Variants in DCC observed in about 807,000 individuals in gnomAD.
DCC encodes the protein DCC netrin 1 receptor, also known as netrin receptor DCC.
In DCC, 58 loss-of-function variants were observed where a neutral mutation model predicts 172.5. That is an observed-to-expected ratio of 0.34 (90% CI 0.27 to 0.42). The LOEUF (loss-of-function observed/expected upper bound fraction) is 0.42, where lower values mean the gene tolerates loss of function less well. Ranked by LOEUF, DCC falls within the 10% of genes least tolerant of loss-of-function variation. The pLI, the probability that DCC is intolerant of heterozygous loss-of-function variation, is 1.00. For synonymous variants in DCC, 709 were observed against 644.5 expected, an observed-to-expected ratio of 1.10 and a Z score of -1.52; for missense variants, 1,740 against 1,791.0, an observed-to-expected ratio of 0.97 and a Z score of 0.51.
chr18:52,891,105 A>G (rs2039643449), intron 2 of DCC, among the ~76,000 whole-genome samples: 1 of 152,146 alleles, frequency 6.6e-6, no homozygotes, highest in African/African-American at 2.4e-5. Context: ...TAATAATTTC[A>G]TGTTCAAATT....
At chr18:52,838,133 G>A (rs763009099) in intron 2 of DCC, among the ~76,000 whole-genome samples, 3 of 152,100 alleles carry the variant, frequency 2.0e-5, no homozygotes, top group Non-Finnish European at 2.9e-5. Context: ...GCAGCCAAAC[G>A]ATATCACTCT....
At chr18:52,853,020 T>G (rs368304271) in intron 2 of DCC, among the ~76,000 whole-genome samples, 5 of 152,264 alleles carry the variant, frequency 3.3e-5, no homozygotes, top group African/African-American at 9.6e-5. Context: ...TCCCCCAAAG[T>G]TTCTGCCTTG....
intron 1 of DCC, among the ~76,000 whole-genome samples, chr18:52,495,149 G>A (rs545022842): frequency 2.0e-5 from 3 of 152,056 alleles, no homozygotes; most frequent in Non-Finnish European, 4.4e-5. Context: ...CGTCACCAAA[G>A]GACTGTCAGA....
chr18:52,860,740 C>T (rs953888645), intron 2 of DCC, among the ~76,000 whole-genome samples: 3 of 152,170 alleles, frequency 2.0e-5, no homozygotes, highest in East Asian at 3.9e-4. Flanking sequence ...TGCTTCATGC[C>T]TGTAATCCCA....
chr18:52,859,718 T>C (rs563772516), intron 2 of DCC, among the ~76,000 whole-genome samples: 10 of 152,280 alleles, frequency 6.6e-5, no homozygotes, highest in African/African-American at 2.4e-4. Flanking sequence ...ATGAAGACAA[T>C]TTTCAAGGCT....
intron 8 of DCC, among the ~76,000 whole-genome samples, chr18:53,168,611 C>A (rs1248910770): frequency 6.6e-6 from 1 of 151,624 alleles, no homozygotes; most frequent in South Asian, 2.1e-4. Flanking sequence ...AGGAGAAATA[C>A]CTAATGTAGA....
intron 5 of DCC, among the ~76,000 whole-genome samples, chr18:53,022,191 T>A (rs1197047629): frequency 6.6e-6 from 1 of 152,194 alleles, no homozygotes; most frequent in Non-Finnish European, 1.5e-5. Flanking sequence ...AGCATGAATA[T>A]AAATTTGTAA....
At chr18:53,037,911 G>A (rs2042118228) in intron 5 of DCC, among the ~76,000 whole-genome samples, 1 of 151,904 alleles carries the variant, frequency 6.6e-6, no homozygotes, top group African/African-American at 2.4e-5. Context: ...ATTGGAAAGG[G>A]TAGGAAATGA....
intron 1 of DCC, among the ~76,000 whole-genome samples, chr18:52,457,818 A>C (rs1568178910): frequency 6.6e-6 from 1 of 152,174 alleles, no homozygotes; most frequent in African/African-American, 2.4e-5. Context: ...TTACATTATC[A>C]CTCAAATTCC....
intron 1 of DCC, among the ~76,000 whole-genome samples, chr18:52,642,427 TACTC>T (rs1309636168): frequency 1.3e-5 from 2 of 151,944 alleles, no homozygotes; most frequent in African/African-American, 2.4e-5. Flanking sequence ...GTAAAGAACT[TACTC>T]ATGTAACCAA....
intron 1 of DCC, among the ~76,000 whole-genome samples, chr18:52,504,771 T>TC (rs1223217700): frequency 1.3e-5 from 2 of 151,100 alleles, no homozygotes; most frequent in Non-Finnish European, 2.9e-5. Flanking sequence ...GTGCCGCCCC[T>TC]CCCCCCGGCC....
chr18:53,426,614 C>A (rs1014854942), intron 21 of DCC, among the ~76,000 whole-genome samples: 1 of 150,724 alleles, frequency 6.6e-6, no homozygotes, highest in African/African-American at 2.4e-5. Context: ...AGATAATCAT[C>A]CTGTTTTTCC....
Position 52,867,468 on chromosome 18 carries a change from T to G in DCC, c.413-38576T>G, listed in dbSNP as rs542411020. 3.9e-5 allele frequency among the ~76,000 whole-genome samples: 6 copies of G among 152,280 alleles called. No individual in the cohort carries two copies. The South Asian group carries it at 1.2e-3, about 32-fold the overall frequency. On this transcript the variant is annotated intron_variant, in intron 2 of 28. Coordinates refer to ENST00000442544, the MANE Select transcript of DCC (RefSeq NM_005215.4). The stretch of plus-strand genomic sequence containing the variant: ...CAGAAGAAATGGTACCAGCTCCTCT[T>G]TTTACCTCTGGTAGAATTTGGCTGT...
rs564419620 is a variant in DCC, at chr18:52,957,062, T to C, written c.985+31692T>C. On this transcript the variant is annotated intron_variant, in intron 5 of 28. Transcript: ENST00000442544. The stretch of plus-strand genomic sequence containing the variant: ...GCAGACAATTCTCTCAACACTAGGA[T>C]AGACTATTTCCTGAAACTTCGATAG... 5.3e-5 allele frequency among the ~76,000 whole-genome samples: 8 copies of C among 152,284 alleles called. No homozygotes were observed. The East Asian group carries it at 9.6e-4, about 18-fold the overall frequency.
chr18:53,118,717 T>C (rs921888659), intron 7 of DCC, among the ~76,000 whole-genome samples: 3 of 151,706 alleles, frequency 2.0e-5, no homozygotes, highest in African/African-American at 7.2e-5. Flanking sequence ...AACCCCACAA[T>C]AGTTATGTAA....
At chr18:52,625,107 G>GCATATCTAAA (rs971212768) in intron 1 of DCC, among the ~76,000 whole-genome samples, 1 of 140,072 alleles carries the variant, frequency 7.1e-6, no homozygotes, top group Non-Finnish European at 1.6e-5. Context: ...AGTGGTTTTT[G>GCATATCTAAA]CGTATCTAAA....
At chr18:53,017,359 T>G (rs1449342889) in intron 5 of DCC, among the ~76,000 whole-genome samples, 1 of 152,332 alleles carries the variant, frequency 6.6e-6, no homozygotes, top group East Asian at 1.9e-4. Flanking sequence ...CACTAGTCAT[T>G]CTAAAGGAAC....
At chr18:52,382,467 T>G (rs183445069) in intron 1 of DCC, among the ~76,000 whole-genome samples, 1 of 152,272 alleles carries the variant, frequency 6.6e-6, no homozygotes, top group Admixed American at 6.5e-5. Flanking sequence ...TATTTCCATT[T>G]TATAGAGAAC....
At chr18:52,823,069 C>T (rs925802778) in intron 2 of DCC, among the ~76,000 whole-genome samples, 6 of 152,058 alleles carry the variant, frequency 3.9e-5, no homozygotes, top group South Asian at 2.1e-4. Flanking sequence ...TGAGCGAAAA[C>T]GTGTAAACCC....
Sources: allele counts gnomAD v4.1 joint callset (sites outside exome capture counted in the v4.1 genomes callset), GRCh38; gene constraint gnomAD v4.1.1; transcripts MANE v1.5; gene names NCBI Gene and HGNC (gene_info 2026-07-23, HGNC 2026-07-21).